Variants in PRDM11 observed in about 807,000 individuals in gnomAD.
The protein encoded by PRDM11 is PR domain-containing protein 11.
A neutral mutation model predicts 97.8 loss-of-function variants in PRDM11; 20 were observed. The ratio of observed to expected loss-of-function variants is 0.20; its 90% CI spans 0.14 to 0.30. The LOEUF (loss-of-function observed/expected upper bound fraction) is 0.30, where lower values mean the gene tolerates loss of function less well. Ranked by LOEUF, PRDM11 falls within the 10% of genes least tolerant of loss-of-function variation. The pLI, the probability that PRDM11 is intolerant of heterozygous loss-of-function variation, is 1.00. For missense variants in PRDM11, 1,139 were observed against 1,555.2 expected (o/e 0.73, Z 4.50); for synonymous variants, 599 against 637.7 (o/e 0.94, Z 0.91).
intron 2 of PRDM11, 60 bp downstream of exon 2, chr11:45,181,945 G>T: frequency 5.4e-6 from 8 of 1,484,890 alleles, no homozygotes; most frequent in South Asian, 1.2e-5. Context: ...GCCTGGGCTC[G>T]GTTGGTTGGG....
In PRDM11 at chr11:45,129,849, T is replaced by C. The variant is rs190336650; in HGVS notation, c.96+33948T>C. ...AAAATGATGTTGAAGAAGAATAAAGTTGGAGGACTCGTACCATCAGATATA... is the reference window on the plus strand; with the variant it reads ...AAAATGATGTTGAAGAAGAATAAAGCTGGAGGACTCGTACCATCAGATATA... On this transcript the variant is annotated intron_variant, in intron 1 of 6. Coordinates refer to the PRDM11 transcript ENST00000530656. 7.2e-5 allele frequency among the ~76,000 whole-genome samples: 11 copies of C among 152,136 alleles called. No homozygotes were observed. The South Asian group carries it at 1.9e-3, about 26-fold the overall frequency.
chr11:45,108,778 T>C (rs1852113531), intron 1 of PRDM11, among the ~76,000 whole-genome samples: 1 of 152,164 alleles, frequency 6.6e-6, no homozygotes, highest in East Asian at 1.9e-4. Context: ...CACTCAGACT[T>C]TCTCAGCCTG....
At chr11:45,192,404 G>A (rs1162663276) in intron 4 of PRDM11, among the ~76,000 whole-genome samples, 2 of 152,166 alleles carry the variant, frequency 1.3e-5, no homozygotes, top group Middle Eastern at 3.2e-3. Flanking sequence ...CATTAAATGG[G>A]CTCAGCTTGT....
chr11:45,169,516 A>G (rs531131848), intron 1 of PRDM11, among the ~76,000 whole-genome samples: 1 of 152,360 alleles, frequency 6.6e-6, no homozygotes, highest in East Asian at 1.9e-4. Flanking sequence ...TAATTCATTT[A>G]TTTCTCATAA....
At chr11:45,198,955 A>C (rs922465319) in intron 4 of PRDM11, among the ~76,000 whole-genome samples, 1 of 152,176 alleles carries the variant, frequency 6.6e-6, no homozygotes, top group Non-Finnish European at 1.5e-5. Context: ...TCAGTTTTCC[A>C]ATCTGTAAAA....
chr11:45,224,112 G>T, intron 6 of PRDM11, 105 bp from the exon 7 acceptor site: 1 of 1,352,988 alleles, frequency 7.4e-7, no homozygotes, highest in South Asian at 1.4e-5. Context: ...CCCAGATCTA[G>T]AGGGATGTGT....
In PRDM11 at chr11:45,233,985, G is replaced by C. The variant is rs1458218181; in HGVS notation, c.*5826G>C. ...CAGGCAGGTTTAGTTCACATACACTGTTCGCATTCTGTGACTTGAGGCAGA... is the reference window on the plus strand; with the variant it reads ...CAGGCAGGTTTAGTTCACATACACTCTTCGCATTCTGTGACTTGAGGCAGA... On this transcript the variant is annotated 3_prime_UTR_variant, in exon 8 of 8. Coordinates refer to ENST00000683152, the MANE Select transcript of PRDM11 (RefSeq NM_001384648.1). 6.6e-6 allele frequency: 1 copy of C among 152,300 alleles called. No individual in the cohort carries two copies. Among genetic ancestry groups the C allele is most frequent in the Non-Finnish European group, 1.5e-5 (1 of 68,086 alleles). The allele number at this position is 152,300 out of a possible 1,614,324, so 9.4% of individuals were successfully genotyped here.
At chr11:45,187,030 C>T (rs558316470) in intron 4 of PRDM11, among the ~76,000 whole-genome samples, 1 of 152,294 alleles carries the variant, frequency 6.6e-6, no homozygotes, top group Non-Finnish European at 1.5e-5. Context: ...AGCACTAGGT[C>T]CTGAGCAGGG....
At chr11:45,192,157 G>A (rs1291347578) in intron 4 of PRDM11, among the ~76,000 whole-genome samples, 2 of 152,098 alleles carry the variant, frequency 1.3e-5, no homozygotes, top group Non-Finnish European at 2.9e-5. Context: ...CAGTGGTCAT[G>A]GAATTTACAA....
chr11:45,187,799 CGTGTGTGTGT>C (rs61613469), intron 4 of PRDM11, among the ~76,000 whole-genome samples: 18 of 147,088 alleles, frequency 1.2e-4, no homozygotes, highest in Non-Finnish European at 2.5e-4. Context: ...AAGAAAAGTT[CGTGTGTGTGT>C]GTGTGTGTGT....
chr11:45,155,553 C>T (rs1851773197), intron 1 of PRDM11, among the ~76,000 whole-genome samples: 1 of 152,032 alleles, frequency 6.6e-6, no homozygotes, highest in Admixed American at 6.6e-5. Flanking sequence ...CCAGGGGTGC[C>T]CCTCTTTAGG....
chr11:45,108,306 C>A (rs528432466), intron 1 of PRDM11, among the ~76,000 whole-genome samples: 122 of 152,288 alleles, frequency 8.0e-4, no homozygotes, highest in Non-Finnish European at 1.6e-3. Flanking sequence ...ACGTGGGATC[C>A]CCGTGTCTCC....
chr11:45,099,168 C>A (rs1399812109), intron 1 of PRDM11, among the ~76,000 whole-genome samples: 1 of 151,982 alleles, frequency 6.6e-6, no homozygotes, highest in Non-Finnish European at 1.5e-5. Context: ...ATCACAGGCT[C>A]TGGGCCGGGT....
Position 45,111,211 on chromosome 11 carries a change from A to C in PRDM11, c.96+15310A>C, listed in dbSNP as rs187873728. On this transcript the variant is annotated intron_variant, in intron 1 of 6. Coordinates refer to the PRDM11 transcript ENST00000530656. ...AAGATGAAGATTTATCTTTCTTACAATCCATCCCACCCTGTCCCTCCACCA... is the reference window on the plus strand; with the variant it reads ...AAGATGAAGATTTATCTTTCTTACACTCCATCCCACCCTGTCCCTCCACCA... Among the ~76,000 whole-genome samples the C allele has an allele frequency of 3.4e-4, 40 of 116,106 alleles. 7 individuals are homozygous for C. In the East Asian group the frequency reaches 5.9e-3, roughly 17 times the overall value. 76.2% of individuals were successfully genotyped at this position (116,106 alleles called of 152,430 possible). A position where few individuals can be genotyped will look rare whatever the true frequency, so the allele number is the denominator to read the frequency against.
intron 1 of PRDM11, among the ~76,000 whole-genome samples, chr11:45,175,277 T>G (rs1351670271): frequency 6.6e-6 from 1 of 152,354 alleles, no homozygotes; most frequent in African/African-American, 2.4e-5. Context: ...AAAAATCCTC[T>G]ATATTCCACC....
chr11:45,112,659 T>C (rs953767619), intron 1 of PRDM11, among the ~76,000 whole-genome samples: 5 of 152,250 alleles, frequency 3.3e-5, no homozygotes, highest in Non-Finnish European at 7.3e-5. Context: ...TATCTCATTG[T>C]GGTTTGGATT....
chr11:45,184,481 G>A (rs1852631261), intron 4 of PRDM11, among the ~76,000 whole-genome samples: 1 of 152,192 alleles, frequency 6.6e-6, no homozygotes, highest in South Asian at 2.1e-4. Context: ...GGAAGACTGG[G>A]CTAGGGTTGG....
chr11:45,225,966 T>C (rs778856542), intron 7 of PRDM11, 29 bp from the exon 8 acceptor site: 1 of 1,461,506 alleles, frequency 6.8e-7, no homozygotes, highest in Non-Finnish European at 9.0e-7. Context: ...CCCCCAGGTA[T>C]AAATGTTTCT....
At chr11:45,183,155 G>C (rs774909053) in intron 4 of PRDM11, 32 bp downstream of exon 4, 4 of 1,586,210 alleles carry the variant, frequency 2.5e-6, no homozygotes, top group Non-Finnish European at 3.4e-6. Flanking sequence ...CATGGGAGAG[G>C]TTGCCAAGAA....
Sources: allele counts gnomAD v4.1 joint callset (sites outside exome capture counted in the v4.1 genomes callset), GRCh38; gene constraint gnomAD v4.1.1; transcripts MANE v1.5; gene names NCBI Gene and HGNC (gene_info 2026-07-23, HGNC 2026-07-21).